Variants in ARMC2 observed in about 807,000 individuals in gnomAD.
The protein encoded by ARMC2 is armadillo repeat-containing protein 2.
In ARMC2, 67 loss-of-function variants were observed where a neutral mutation model predicts 90.3. The ratio of observed to expected loss-of-function variants is 0.74; its 90% CI spans 0.61 to 0.91. ARMC2 has a LOEUF of 0.91. ARMC2 is among the 40% of genes least tolerant of loss of function. The pLI, the probability that ARMC2 is intolerant of heterozygous loss-of-function variation, is 0.00. For synonymous variants in ARMC2, 393 were observed against 393.0 expected, an observed-to-expected ratio of 1.00 and a Z score of 0.00; for missense variants, 920 against 1,030.9, an observed-to-expected ratio of 0.89 and a Z score of 1.47.
rs113976640 is a variant in ARMC2 at position 108,857,067 on chromosome 6, A to G, written c.219-1132A>G. ...GCTAGTCTGGGTCTTTTGTCTCTCC[A>G]TAGAAACTTTAGAATCAGTTTGTCA... On this transcript the variant is annotated intron_variant, in intron 2 of 17. Transcript: ENST00000392644. 4.6e-3 allele frequency among the ~76,000 whole-genome samples: 708 copies of G among 152,260 alleles called. 12 individuals carry two copies. Among genetic ancestry groups the G allele is most frequent in the African/African-American group, 0.016 (682 of 41,536 alleles).
the ARMC2 span, among the ~76,000 whole-genome samples, chr6:109,029,736 C>T: frequency 1.3e-5 from 2 of 152,032 alleles, no homozygotes; most frequent in Non-Finnish European, 1.5e-5. Flanking sequence ...CTTGCCATGT[C>T]GCTCAAGCTG....
chr6:108,944,496 C>T (rs1776664688), intron 12 of ARMC2, among the ~76,000 whole-genome samples: 4 of 152,306 alleles, frequency 2.6e-5, no homozygotes. Flanking sequence ...ACAGGCTCTA[C>T]TCCTCAGGAC....
At chr6:108,875,376 C>G (rs993444652) in intron 4 of ARMC2, among the ~76,000 whole-genome samples, 1 of 152,172 alleles carries the variant, frequency 6.6e-6, no homozygotes, top group African/African-American at 2.4e-5. Context: ...CTCTCCTCCT[C>G]TTTGCCTCCT....
At chr6:108,972,104 C>G (rs1383275958) in intron 17 of ARMC2, among the ~76,000 whole-genome samples, 1 of 152,104 alleles carries the variant, frequency 6.6e-6, no homozygotes, top group Non-Finnish European at 1.5e-5. Context: ...GGCTCAACAT[C>G]AACATGTAAA....
At chr6:108,868,304 A>C (rs1422302575) in intron 3 of ARMC2, among the ~76,000 whole-genome samples, 1 of 151,826 alleles carries the variant, frequency 6.6e-6, no homozygotes, top group Admixed American at 6.6e-5. Flanking sequence ...GCAACCTCCA[A>C]CTCCTGGGTT....
At chr6:108,858,294 A>G (rs1417523493) in intron 3 of ARMC2, 23 bp downstream of exon 3, 1 of 1,555,818 alleles carries the variant, frequency 6.4e-7, no homozygotes, top group Non-Finnish European at 8.8e-7. Context: ...TATAACCACC[A>G]GTAATTTATA....
At chr6:108,908,216 G>A (rs1169429018) in intron 8 of ARMC2, among the ~76,000 whole-genome samples, 3 of 152,144 alleles carry the variant, frequency 2.0e-5, no homozygotes, top group Non-Finnish European at 2.9e-5. Flanking sequence ...TCTGAGGCAC[G>A]CACTCCTCAA....
In ARMC2 at chr6:108,971,738, A is replaced by G. The variant is rs145007955; in HGVS notation, c.2447-1619A>G. Reference sequence around the variant, plus strand: ...GGAGTTGGAGACCAGCCGGGCCAACATGGTAAAACTCTGTCTCTACTAAAA... The same window carrying G: ...GGAGTTGGAGACCAGCCGGGCCAACGTGGTAAAACTCTGTCTCTACTAAAA... On this transcript the variant is annotated intron_variant, in intron 17 of 17. Transcript: ENST00000392644. 3.7e-4 allele frequency among the ~76,000 whole-genome samples: 57 copies of G among 152,210 alleles called. No homozygotes were observed. The East Asian group carries it at 9.7e-3, about 26-fold the overall frequency.
At chr6:108,980,652 A>G in the ARMC2 span, among the ~76,000 whole-genome samples, 5 of 152,052 alleles carry the variant, frequency 3.3e-5, no homozygotes, top group African/African-American at 1.2e-4. Context: ...GGTTTTATCT[A>G]TTAGTCCCTG....
chr6:108,912,887 G>A (rs1005598312), intron 10 of ARMC2, among the ~76,000 whole-genome samples: 7 of 152,224 alleles, frequency 4.6e-5, no homozygotes, highest in African/African-American at 1.7e-4. Flanking sequence ...AAGCTGCTTA[G>A]AGTGTTGAAG....
At chr6:108,862,069 C>T (rs1382442455) in intron 3 of ARMC2, among the ~76,000 whole-genome samples, 1 of 152,074 alleles carries the variant, frequency 6.6e-6, no homozygotes, top group Non-Finnish European at 1.5e-5. Context: ...GACGGCTAGG[C>T]TCAGTGGCTC....
At chr6:109,009,072 AT>A in the ARMC2 span, 1 of 909,284 alleles carries the variant, frequency 1.1e-6, no homozygotes, top group South Asian at 4.6e-5. Context: ...GGAGACTTTC[AT>A]TTACATGACC....
At chr6:108,994,375 G>C in the ARMC2 span, 3 of 1,128,516 alleles carry the variant, frequency 2.7e-6, no homozygotes, top group African/African-American at 1.6e-5. Context: ...GACATATTTA[G>C]ATTGATGCTT....
Position 108,894,499 on chromosome 6 carries a change from C to G in ARMC2, c.704C>G (p.Ser235Ter). The change falls in exon 6 of 18, where the codon TCA becomes TGA. Residue 235 changes from serine (S) to a stop codon, truncating the protein, a stop_gained. Coordinates refer to ENST00000392644, the MANE Select transcript of ARMC2 (RefSeq NM_032131.6). LOFTEE classifies it high-confidence loss of function. ...DQGKRHARAS[S>*]CPSSSDLSRL... ...GGGAAGAGACATGCGAGGGCCTCAT[C>G]ATGCCCCAGTAGCTCAGACCTGAGC... is the stretch of plus-strand genomic sequence containing the variant. 1 of 1,611,914 alleles carries G rather than the reference C, an allele frequency of 6.2e-7. No homozygotes were observed. The highest frequency in any genetic ancestry group is 1.1e-5 in the South Asian group (1 of 90,916).
intron 11 of ARMC2, among the ~76,000 whole-genome samples, chr6:108,934,688 G>T (rs537352865): frequency 6.6e-6 from 1 of 152,094 alleles, no homozygotes; most frequent in Non-Finnish European, 1.5e-5. Flanking sequence ...TTCCCATATG[G>T]TTATATGTTT....
intron 5 of ARMC2, among the ~76,000 whole-genome samples, chr6:108,882,237 C>A (rs747943084): frequency 6.6e-6 from 1 of 151,776 alleles, no homozygotes; most frequent in South Asian, 2.1e-4. Context: ...GAGATCAAGA[C>A]CATCCTGGCT....
intron 12 of ARMC2, among the ~76,000 whole-genome samples, chr6:108,946,178 C>A (rs1045990834): frequency 6.6e-6 from 1 of 152,214 alleles, no homozygotes; most frequent in Non-Finnish European, 1.5e-5. Flanking sequence ...AACCCAAATG[C>A]CTGATTTATG....
At chr6:109,030,858 T>C in the ARMC2 span, among the ~76,000 whole-genome samples, 1 of 152,214 alleles carries the variant, frequency 6.6e-6, no homozygotes, top group Admixed American at 6.5e-5. Context: ...GTCATACAAC[T>C]GACAAGTGGC....
chr6:108,930,727 G>A (rs541778718), intron 11 of ARMC2, among the ~76,000 whole-genome samples: 2 of 150,620 alleles, frequency 1.3e-5, no homozygotes, highest in African/African-American at 4.9e-5. Context: ...CTCACAAGTA[G>A]CTGGGACTAC....
Sources: allele counts gnomAD v4.1 joint callset (sites outside exome capture counted in the v4.1 genomes callset), GRCh38; gene constraint gnomAD v4.1.1; transcripts MANE v1.5; gene names NCBI Gene and HGNC (gene_info 2026-07-23, HGNC 2026-07-21).